AWAT1: variants seen among roughly 807,000 people sequenced by gnomAD.
The protein encoded by AWAT1 is acyl-CoA wax alcohol acyltransferase 1.
AWAT1 carries 26 observed loss-of-function variants against 21.6 expected under a neutral mutation model. The ratio of observed to expected loss-of-function variants is 1.20; its 90% CI spans 0.88 to 1.67. AWAT1 has a LOEUF of 1.67. AWAT1 is among the 40% of genes most tolerant of loss of function. The probability of loss-of-function intolerance (pLI) is 0.00; values close to 1 mark genes in which losing one functional copy is unlikely to be tolerated. For missense variants in AWAT1, 264 were observed against 249.4 expected (o/e 1.06, Z -0.39); for synonymous variants, 102 against 99.3 (o/e 1.03, Z -0.16).
At chrX:70,235,958 TCTC>T in intron 2 of AWAT1, 108 bp from the exon 3 acceptor site, 1 of 892,857 alleles carries the variant, frequency 1.1e-6, no homozygotes, top group South Asian at 2.1e-5. Context: ...CATCCTAGGG[TCTC>T]CTCCTTTCCC....
At chrX:70,235,360 T>G (rs2085509950) in intron 1 of AWAT1, among the ~76,000 whole-genome samples, 1 of 109,780 alleles carries the variant, frequency 9.1e-6, no homozygotes, top group Non-Finnish European at 1.9e-5. Context: ...GGCTAGTGGC[T>G]TAACGAGGGA....
Position 70,237,919 on chromosome X carries a change from G to GA in AWAT1, c.461-279dup, listed in dbSNP as rs375070493. On this transcript the variant is annotated intron_variant, in intron 4 of 6. Transcript: ENST00000374521. ...ATAAATAATAGCTGTTGCTCTTAAT[G>GA]AAAAAAAAAAAAAAGGTACCATTAT... Among the ~76,000 whole-genome samples the GA allele has an allele frequency of 8.3e-3, 689 of 83,435 alleles. 10 individuals are homozygous for GA. Among genetic ancestry groups the GA allele is most frequent in the East Asian group, 0.046 (120 of 2,584 alleles). 72.5% of individuals were successfully genotyped at this position (83,435 alleles called of 115,157 possible).
chrX:70,239,562 A>T, intron 5 of AWAT1, among the ~76,000 whole-genome samples, 173 bp from the exon 6 acceptor site: 1 of 111,850 alleles, frequency 8.9e-6, no homozygotes, highest in Middle Eastern at 4.6e-3. Flanking sequence ...GGCCTTGAAA[A>T]TTTCATGACA....
At chrX:70,237,629 C>T (rs760281119) in intron 4 of AWAT1, among the ~76,000 whole-genome samples, 33 of 108,625 alleles carry the variant, frequency 3.0e-4, no homozygotes, top group Non-Finnish European at 4.6e-4. Flanking sequence ...GTCAGGAGTT[C>T]GAGACCAGCC....
At chrX:70,238,415 G>C in intron 5 of AWAT1, 32 bp downstream of exon 5, 3 of 1,142,732 alleles carry the variant, frequency 2.6e-6, no homozygotes, top group Non-Finnish European at 3.5e-6. Flanking sequence ...GCAGTGCATG[G>C]TGTTCTCTGA....
chrX:70,240,404 G>T lies in AWAT1; in HGVS notation c.*114G>T, dbSNP rs897812757. 3.7e-5 allele frequency: 31 copies of T among 836,622 alleles called. No homozygotes were observed. The African/African-American group carries it at 5.5e-4, about 15-fold the overall frequency. 68.9% of individuals were successfully genotyped at this position (836,622 alleles called of 1,213,427 possible). On this transcript the variant is annotated 3_prime_UTR_variant, in exon 7 of 7. Transcript: ENST00000374521. ...GGGAGGTTATATGTGGTAGGGGAGG[G>T]CATGAGGAATTCCTTCTTTGCCTTC...
Position 70,239,802 on chromosome X carries a change from G to C in AWAT1, c.700G>C (p.Asp234His), listed in dbSNP as rs1312883303. Residue 234 changes from aspartate to histidine, a missense_variant, in exon 6 of 7, where the codon GAT (aspartate) becomes CAT (histidine). Transcript: ENST00000374521. ...GTATGATCAGGTGCTGTTCCATAAG[G>C]ATAGCAGGATGTACAAGTTCCAGAG... is the stretch of plus-strand genomic sequence containing the variant. Reference protein sequence around the residue: ...EVYDQVLFHKDSRMYKFQSCF... With the variant: ...EVYDQVLFHKHSRMYKFQSCF... The C allele has an allele frequency of 8.3e-7, 1 of 1,210,172 alleles. No individual in the cohort carries two copies.
intron 2 of AWAT1, 48 bp from the exon 3 acceptor site, chrX:70,236,021 T>C (rs750500757): frequency 1.3e-5 from 14 of 1,071,949 alleles, no homozygotes; most frequent in Middle Eastern, 2.5e-4. Flanking sequence ...GTGGAATGTA[T>C]GGGATGGCAC....
intron 1 of AWAT1, among the ~76,000 whole-genome samples, chrX:70,235,486 C>T (rs777121067): frequency 5.2e-4 from 58 of 110,587 alleles, no homozygotes; most frequent in African/African-American, 1.5e-3. Context: ...AGTGGCTGTA[C>T]AGGGAAGCAG....
Position 70,240,512 on chromosome X carries a change from T to C in AWAT1, c.*222T>C. On this transcript the variant is annotated 3_prime_UTR_variant, in exon 7 of 7. Coordinates refer to ENST00000374521, the MANE Select transcript of AWAT1 (RefSeq NM_001013579.3). The stretch of plus-strand genomic sequence containing the variant: ...AAGGAGGGCATCCTAGTGCCCCTCA[T>C]GCTGGGGCCTGATGCCTGGTCATCA... The C allele has an allele frequency of 2.6e-6, 1 of 390,495 alleles. No homozygotes were observed. The highest frequency in any genetic ancestry group is 4.4e-6 in the Non-Finnish European group (1 of 226,966). The allele number at this position is 390,495 out of a possible 1,213,427, so 32.2% of individuals were successfully genotyped here.
intron 4 of AWAT1, 44 bp downstream of exon 4, chrX:70,237,292 G>C (rs765364014): frequency 1.8e-6 from 2 of 1,093,922 alleles, no homozygotes; most frequent in Non-Finnish European, 1.3e-6. Context: ...CCATGTTTCT[G>C]CTTGGAAATG....
At position 70,236,614 on chromosome X, in the gene AWAT1, G is replaced by A. The variant is rs188866088; in HGVS notation, c.256-430G>A. On this transcript the variant is annotated intron_variant, in intron 3 of 6. Coordinates refer to ENST00000374521, the MANE Select transcript of AWAT1 (RefSeq NM_001013579.3). ...TCCAAGTTCCATACAAGTTATTTAG[G>A]CAGGCACTGGAAGGGGATTGGCAGG... Among the ~76,000 whole-genome samples, 724 of 111,450 alleles carry A rather than the reference G, an allele frequency of 6.5e-3. 3 individuals are homozygous for A. The highest frequency in any genetic ancestry group is 0.011 in the Non-Finnish European group (601 of 53,048).
chrX:70,238,158 C>T (rs2085522794), intron 4 of AWAT1, 54 bp from the exon 5 acceptor site: 3 of 1,119,831 alleles, frequency 2.7e-6, no homozygotes, highest in Non-Finnish European at 3.6e-6. Flanking sequence ...GAAGAGTGTT[C>T]CCTCTTAGCA....
chrX:70,235,705 T>C lies in AWAT1; in HGVS notation c.77-11T>C. ...GCAGCACAAATTTGGTCTAACCTGG[T>C]CCCTCATCAGTTTGGATCTTGCAGC... On this transcript the variant is annotated splice_polypyrimidine_tract_variant and intron_variant, in intron 1 of 6. Coordinates refer to ENST00000374521, the MANE Select transcript of AWAT1 (RefSeq NM_001013579.3). 8.4e-7 allele frequency: 1 copy of C among 1,196,727 alleles called. No homozygotes were observed. Among genetic ancestry groups the C allele is most frequent in the South Asian group, 1.8e-5 (1 of 56,591 alleles).
At chrX:70,235,688 A>G (rs2085511192) in intron 1 of AWAT1, 28 bp from the exon 2 acceptor site, 1 of 1,123,473 alleles carries the variant, frequency 8.9e-7, no homozygotes, top group African/African-American at 1.8e-5. Flanking sequence ...TGGCAGCACA[A>G]ATTTGGTCTA....
chrX:70,236,044 T>C, intron 2 of AWAT1, 25 bp from the exon 3 acceptor site: 2 of 1,177,697 alleles, frequency 1.7e-6, no homozygotes, highest in Non-Finnish European at 2.3e-6. Context: ...ACTGACATCA[T>C]CCCCTACTTC....
intron 4 of AWAT1, 22 bp downstream of exon 4, chrX:70,237,270 G>A: frequency 8.6e-7 from 1 of 1,167,138 alleles, no homozygotes; most frequent in Non-Finnish European, 1.2e-6. Flanking sequence ...CATACTTACT[G>A]GAGCTTCTGG....
At chrX:70,236,967 C>T in intron 3 of AWAT1, 77 bp from the exon 4 acceptor site, 1 of 939,316 alleles carries the variant, frequency 1.1e-6, no homozygotes, top group Non-Finnish European at 1.5e-6. Context: ...GCACCCTGAT[C>T]CCTGAAGTAT....
intron 1 of AWAT1, 99 bp downstream of exon 1, chrX:70,234,870 C>A (rs1257578604): frequency 1.3e-6 from 1 of 746,735 alleles, no homozygotes; most frequent in Non-Finnish European, 2.0e-6. Context: ...TCATTTTGAG[C>A]CTTTCCATCA....
Sources: gnomAD v4.1 joint callset for allele counts (sites outside exome capture counted in the v4.1 genomes callset) on GRCh38, gnomAD v4.1.1 for gene constraint, MANE v1.5 for transcripts, NCBI Gene and HGNC (gene_info 2026-07-23, HGNC 2026-07-21) for gene names.